CDK8: variants seen among roughly 807,000 people sequenced by gnomAD.
The protein encoded by CDK8 is cyclin dependent kinase 8.
Under a neutral mutation model 71.5 loss-of-function variants are expected in CDK8, and 29 were observed. That is an observed-to-expected ratio of 0.41 (90% CI 0.30 to 0.55). The LOEUF (loss-of-function observed/expected upper bound fraction) is 0.55. CDK8 is among the 20% of genes least tolerant of loss of function. The probability of loss-of-function intolerance (pLI) is 0.37; values close to 1 mark genes in which losing one functional copy is unlikely to be tolerated. For missense variants in CDK8, 288 were observed against 572.6 expected (o/e 0.50, Z 5.07); for synonymous variants, 161 against 192.1 (o/e 0.84, Z 1.34).
At chr13:26,255,175 A>G (rs1871466988) in intron 1 of CDK8, among the ~76,000 whole-genome samples, 1 of 151,722 alleles carries the variant, frequency 6.6e-6, no homozygotes, top group South Asian at 2.1e-4. Context: ...CCATCGGTCT[A>G]GAAGGAAGGC....
intron 1 of CDK8, among the ~76,000 whole-genome samples, chr13:26,289,295 C>T (rs1458491274): frequency 6.6e-6 from 1 of 151,958 alleles, no homozygotes; most frequent in Admixed American, 6.6e-5. Flanking sequence ...CCTCGTGAAC[C>T]GCCTGCCTTG....
At chr13:26,335,741 C>A (rs184149489) in intron 1 of CDK8, among the ~76,000 whole-genome samples, 419 of 152,242 alleles carry the variant, frequency 2.8e-3, no homozygotes, top group Non-Finnish European at 4.6e-3. Flanking sequence ...TCTTATCTGT[C>A]TGTTCTCTAT....
At chr13:26,257,783 G>A (rs899493186) in intron 1 of CDK8, among the ~76,000 whole-genome samples, 1 of 151,954 alleles carries the variant, frequency 6.6e-6, no homozygotes, top group Non-Finnish European at 1.5e-5. Flanking sequence ...TGGGATAAGA[G>A]GTTTTTCTTC....
chr13:26,335,464 G>A (rs975593673), intron 1 of CDK8, among the ~76,000 whole-genome samples: 18 of 151,870 alleles, frequency 1.2e-4, no homozygotes, highest in African/African-American at 3.9e-4. Flanking sequence ...TGCTGATTCC[G>A]GTAAATCTGT....
chr13:26,343,884 A>G (rs1471307856), intron 2 of CDK8, among the ~76,000 whole-genome samples: 1 of 152,020 alleles, frequency 6.6e-6, no homozygotes, highest in Admixed American at 6.6e-5. Context: ...TTTCTATTTA[A>G]AAAATTTTTT....
At chr13:26,255,380 AG>A (rs1871476024) in intron 1 of CDK8, among the ~76,000 whole-genome samples, 1 of 152,184 alleles carries the variant, frequency 6.6e-6, no homozygotes, top group Admixed American at 6.5e-5. Context: ...GGTTTGGTGC[AG>A]GGTGGGTGGT....
intron 1 of CDK8, among the ~76,000 whole-genome samples, chr13:26,322,553 G>A (rs941339510): frequency 1.3e-5 from 2 of 152,082 alleles, no homozygotes; most frequent in Non-Finnish European, 2.9e-5. Flanking sequence ...AAAGGGGCAG[G>A]TTTCTTCTTG....
intron 1 of CDK8, among the ~76,000 whole-genome samples, chr13:26,291,526 A>C (rs1348345135): frequency 6.6e-6 from 1 of 152,156 alleles, no homozygotes; most frequent in African/African-American, 2.4e-5. Context: ...GATTTTTAAA[A>C]GTAGAATTGC....
chr13:26,362,451 A>G (rs1309621207), intron 4 of CDK8, among the ~76,000 whole-genome samples: 2 of 152,176 alleles, frequency 1.3e-5, no homozygotes, highest in African/African-American at 2.4e-5. Context: ...TCAGAGGCCA[A>G]AGGTTTGAGA....
intron 2 of CDK8, among the ~76,000 whole-genome samples, chr13:26,344,111 T>C (rs1336352886): frequency 2.0e-5 from 3 of 152,214 alleles, no homozygotes; most frequent in African/African-American, 7.2e-5. Context: ...GTTTATCCAA[T>C]GTTTAGCCCC....
At chr13:26,261,563 G>A (rs1026193709) in intron 1 of CDK8, among the ~76,000 whole-genome samples, 5 of 152,090 alleles carry the variant, frequency 3.3e-5, no homozygotes, top group African/African-American at 1.2e-4. Context: ...AATTCAACAT[G>A]TGGCCTTTTG....
intron 1 of CDK8, among the ~76,000 whole-genome samples, chr13:26,308,204 C>T (rs1874128187): frequency 6.6e-6 from 1 of 152,216 alleles, no homozygotes; most frequent in Admixed American, 6.5e-5. Flanking sequence ...CCCTCAGTCA[C>T]ACGAGCCTTA....
Position 26,385,408 on chromosome 13 carries a change from A to G in CDK8, c.646+66A>G. 2.3e-6 allele frequency: 3 copies of G among 1,301,404 alleles called. No homozygotes were observed. In the South Asian group the frequency reaches 4.3e-5, roughly 19 times the overall value. 80.6% of individuals were successfully genotyped at this position (1,301,404 alleles called of 1,614,324 possible). On this transcript the variant is annotated intron_variant, in intron 6 of 12. Coordinates refer to ENST00000381527, the MANE Select transcript of CDK8 (RefSeq NM_001260.3). ...TTCTTTAAAAGACACACATTCCTATATATTTTTAAATTAAGTAGTATAGCA... is the reference window on the plus strand; with the variant it reads ...TTCTTTAAAAGACACACATTCCTATGTATTTTTAAATTAAGTAGTATAGCA...
chr13:26,294,288 G>C (rs1207973747), intron 1 of CDK8, among the ~76,000 whole-genome samples: 2 of 151,686 alleles, frequency 1.3e-5, no homozygotes, highest in Non-Finnish European at 2.9e-5. Context: ...GAGCCACCAT[G>C]CCCTGCTCTA....
At chr13:26,374,573 A>G (rs2138033689) in intron 4 of CDK8, among the ~76,000 whole-genome samples, 1 of 152,266 alleles carries the variant, frequency 6.6e-6, no homozygotes, top group South Asian at 2.1e-4. Context: ...GAAAAGCAAT[A>G]TATTAGGAAA....
chr13:26,354,506 C>T (rs1873811209), intron 4 of CDK8, among the ~76,000 whole-genome samples: 2 of 152,192 alleles, frequency 1.3e-5, no homozygotes, highest in Non-Finnish European at 2.9e-5. Flanking sequence ...AGGCCACAGA[C>T]CAGTCCATGG....
At chr13:26,372,830 C>T (rs186883031) in intron 4 of CDK8, among the ~76,000 whole-genome samples, 1 of 152,142 alleles carries the variant, frequency 6.6e-6, no homozygotes, top group Non-Finnish European at 1.5e-5. Flanking sequence ...TTGCTGTTGT[C>T]AAACCATCAC....
chr13:26,291,370 A>G (rs1011099990), intron 1 of CDK8, among the ~76,000 whole-genome samples: 3 of 152,158 alleles, frequency 2.0e-5, no homozygotes, highest in African/African-American at 7.2e-5. Flanking sequence ...ATGACTATAC[A>G]TAGATGTATG....
In CDK8 at chr13:26,348,861, T is replaced by C. The variant is rs188632093; in HGVS notation, c.205-211T>C. ...ACCAACCAAACAACAACAAAATAGATTTACTCAGATAATACCTGTTCAGTG... is the reference window on the plus strand; with the variant it reads ...ACCAACCAAACAACAACAAAATAGACTTACTCAGATAATACCTGTTCAGTG... On this transcript the variant is annotated intron_variant, in intron 2 of 12. Transcript: ENST00000381527. 4.9e-4 allele frequency among the ~76,000 whole-genome samples: 75 copies of C among 152,248 alleles called. 1 individual carries two copies. Among genetic ancestry groups the C allele is most frequent in the Admixed American group, 4.4e-3 (68 of 15,294 alleles).
Sources: allele counts gnomAD v4.1 joint callset (sites outside exome capture counted in the v4.1 genomes callset), GRCh38; gene constraint gnomAD v4.1.1; transcripts MANE v1.5; gene names NCBI Gene and HGNC (gene_info 2026-07-23, HGNC 2026-07-21).